The following ITGA4 variants were observed in gnomAD, a reference collection of about 807,000 sequenced individuals.
ITGA4 encodes the protein integrin alpha-4.
ITGA4 carries 63 observed loss-of-function variants against 133.6 expected under a neutral mutation model. The ratio of observed to expected loss-of-function variants is 0.47; its 90% CI spans 0.38 to 0.58. The LOEUF (loss-of-function observed/expected upper bound fraction) is 0.58, where lower values mean the gene tolerates loss of function less well. ITGA4 is among the 20% of genes least tolerant of loss of function. The probability of loss-of-function intolerance (pLI) is 0.00; values close to 1 mark genes in which losing one functional copy is unlikely to be tolerated. For missense variants in ITGA4, 1,076 were observed against 1,252.7 expected (o/e 0.86, Z 2.13); for synonymous variants, 483 against 438.0 (o/e 1.10, Z -1.28).
intron 21 of ITGA4, among the ~76,000 whole-genome samples, chr2:181,526,983 C>T (rs1686846421): frequency 6.6e-6 from 1 of 151,448 alleles, no homozygotes; most frequent in African/African-American, 2.4e-5. Context: ...AGGCACACGC[C>T]ACCACGCCCA....
chr2:181,520,353 T>G (rs1170357237), intron 17 of ITGA4, among the ~76,000 whole-genome samples: 1 of 152,028 alleles, frequency 6.6e-6, no homozygotes, highest in Non-Finnish European at 1.5e-5. Context: ...AAAATATGAC[T>G]GAAACAATGA....
chr2:181,528,708 T>C (rs1349828605), intron 22 of ITGA4, among the ~76,000 whole-genome samples: 2 of 152,224 alleles, frequency 1.3e-5, no homozygotes, highest in Admixed American at 6.5e-5. Context: ...ACTTTCTTCA[T>C]CTATGTCACA....
intron 1 of ITGA4, 93 bp downstream of exon 1, chr2:181,457,944 C>G: frequency 1.6e-6 from 2 of 1,280,848 alleles, no homozygotes. Flanking sequence ...ACTTTCCTCC[C>G]TCCCAAGGAG....
intron 2 of ITGA4, chr2:181,459,346 T>C (rs1685210988): frequency 6.6e-6 from 1 of 152,212 alleles, no homozygotes; most frequent in Non-Finnish European, 1.5e-5. Context: ...GCTGAGCTGA[T>C]GGGTCATCTG....
At chr2:181,458,625 T>A in intron 2 of ITGA4, 1 of 343,734 alleles carries the variant, frequency 2.9e-6, no homozygotes, top group Non-Finnish European at 5.6e-6. Flanking sequence ...TTTTAGACTC[T>A]CTCAGCGTAT....
chr2:181,482,263 C>A, intron 7 of ITGA4, 97 bp from the exon 8 acceptor site: 1 of 1,227,582 alleles, frequency 8.1e-7, no homozygotes, highest in Non-Finnish European at 1.1e-6. Context: ...CAATTAACTG[C>A]AAGTTGTAAA....
Position 181,509,918 on chromosome 2 carries a change from A to T in ITGA4, c.1845+111A>T, listed in dbSNP as rs189334658. ...TATGTCGGAATTTTTAAAAATACGA[A>T]TTTTTAAAAACAAAAATAGATTTAT... On this transcript the variant is annotated intron_variant, in intron 16 of 27. Transcript: ENST00000397033. 2.0e-5 allele frequency: 15 copies of T among 733,156 alleles called. No individual in the cohort carries two copies. In the East Asian group the frequency reaches 2.8e-4, roughly 13 times the overall value. The allele number at this position is 733,156 out of a possible 1,614,324, so 45.4% of individuals were successfully genotyped here. A position where few individuals can be genotyped will look rare whatever the true frequency, so the allele number is the denominator to read the frequency against.
At chr2:181,499,559 A>T (rs1686225453) in intron 15 of ITGA4, among the ~76,000 whole-genome samples, 1 of 152,060 alleles carries the variant, frequency 6.6e-6, no homozygotes, top group Non-Finnish European at 1.5e-5. Context: ...TTAGGGCTTA[A>T]TTTTCCCTTA....
At chr2:181,535,411 A>G (rs764553695) in intron 27 of ITGA4, 21 bp from the exon 28 acceptor site, 25 of 1,566,370 alleles carry the variant, frequency 1.6e-5, no homozygotes, top group Non-Finnish European at 2.2e-5. Flanking sequence ...TACACTAGTG[A>G]TTATGTTATG....
chr2:181,489,183 AT>A (rs1391304450), intron 10 of ITGA4, among the ~76,000 whole-genome samples: 2 of 152,220 alleles, frequency 1.3e-5, no homozygotes, highest in Non-Finnish European at 1.5e-5. Context: ...ATCACACTTA[AT>A]GTCTTTTTAT....
chr2:181,515,786 G>T (rs1686592060), intron 17 of ITGA4, among the ~76,000 whole-genome samples: 1 of 152,058 alleles, frequency 6.6e-6, no homozygotes, highest in Non-Finnish European at 1.5e-5. Context: ...CTCCCACAGA[G>T]GTGTCCTCTC....
chr2:181,511,614 A>C, intron 16 of ITGA4, 85 bp from the exon 17 acceptor site: 1 of 690,430 alleles, frequency 1.4e-6, no homozygotes, highest in South Asian at 1.9e-5. Flanking sequence ...TTTCTCATGC[A>C]TCACAGGTGT....
chr2:181,499,574 C>T (rs1686225656), intron 15 of ITGA4, among the ~76,000 whole-genome samples: 1 of 152,124 alleles, frequency 6.6e-6, no homozygotes, highest in South Asian at 2.1e-4. Context: ...CCCTTAGATA[C>T]TTATTCCAAG....
intron 4 of ITGA4, among the ~76,000 whole-genome samples, chr2:181,477,553 C>G (rs552318180): frequency 5.3e-5 from 8 of 152,160 alleles, no homozygotes; most frequent in African/African-American, 1.9e-4. Context: ...GGCTTTCTTT[C>G]CAAAGAAGGC....
chr2:181,530,456 C>A (rs373475353), intron 23 of ITGA4, 68 bp from the exon 24 acceptor site: 1 of 1,444,958 alleles, frequency 6.9e-7, no homozygotes, highest in Non-Finnish European at 9.4e-7. Flanking sequence ...ACTTTTAAAA[C>A]CAGGTTGCTT....
chr2:181,478,039 A>T (rs155094), intron 4 of ITGA4, among the ~76,000 whole-genome samples: 89,912 of 151,962 alleles, frequency 0.59, 26,749 homozygotes, highest in Admixed American at 0.7. Flanking sequence ...AGTATTATTC[A>T]GCCTTTAAAA....
intron 2 of ITGA4, among the ~76,000 whole-genome samples, chr2:181,460,274 T>C (rs1685238896): frequency 6.6e-6 from 1 of 152,208 alleles, no homozygotes; most frequent in Non-Finnish European, 1.5e-5. Flanking sequence ...TAGTAATGCC[T>C]TGAGTATTTG....
chr2:181,480,575 T>G (rs1685779729), intron 6 of ITGA4, among the ~76,000 whole-genome samples: 1 of 152,180 alleles, frequency 6.6e-6, no homozygotes, highest in Non-Finnish European at 1.5e-5. Flanking sequence ...GTCAACTGAT[T>G]ATACAGGTTG....
intron 14 of ITGA4, among the ~76,000 whole-genome samples, chr2:181,496,144 T>C (rs1686153320): frequency 6.6e-6 from 1 of 152,216 alleles, no homozygotes; most frequent in Non-Finnish European, 1.5e-5. Context: ...AAGGCTGTAG[T>C]TGTTTAGAGA....
Sources: allele counts gnomAD v4.1 joint callset (sites outside exome capture counted in the v4.1 genomes callset), GRCh38; gene constraint gnomAD v4.1.1; transcripts MANE v1.5; gene names NCBI Gene and HGNC (gene_info 2026-07-23, HGNC 2026-07-21).